The following IL20RA variants were observed in gnomAD, a reference collection of about 807,000 sequenced individuals.
The protein encoded by IL20RA is interleukin-20 receptor subunit alpha.
In IL20RA, 29 loss-of-function variants were observed where a neutral mutation model predicts 36.5. The ratio of observed to expected loss-of-function variants is 0.79; its 90% CI spans 0.59 to 1.08. The LOEUF (loss-of-function observed/expected upper bound fraction) is 1.08. Ranked by LOEUF, IL20RA falls within the 50% of genes least tolerant of loss-of-function variation. The probability of loss-of-function intolerance (pLI) is 0.00; values close to 1 mark genes in which losing one functional copy is unlikely to be tolerated. For synonymous variants in IL20RA, 279 were observed against 267.1 expected (o/e 1.04, Z -0.43); for missense variants, 652 against 668.4 (o/e 0.98, Z 0.27).
intron 1 of IL20RA, 123 bp downstream of exon 1, chr6:137,044,518 T>G: frequency 1.2e-5 from 13 of 1,046,212 alleles, no homozygotes; most frequent in Non-Finnish European, 1.6e-5. Flanking sequence ...CCTCGTCCTC[T>G]GCCCGCCCGA....
chr6:137,033,372 T>A (rs575516852), intron 1 of IL20RA, among the ~76,000 whole-genome samples: 3 of 152,178 alleles, frequency 2.0e-5, no homozygotes, highest in African/African-American at 7.2e-5. Context: ...TGCCCAAATC[T>A]CATGTTGAAG....
chr6:137,026,385 T>C (rs1458833908), intron 1 of IL20RA, among the ~76,000 whole-genome samples: 2 of 152,196 alleles, frequency 1.3e-5, no homozygotes, highest in African/African-American at 4.8e-5. Flanking sequence ...TGGAACAGCT[T>C]GAACTACCAA....
intron 1 of IL20RA, among the ~76,000 whole-genome samples, chr6:137,025,793 A>G (rs906935448): frequency 3.3e-5 from 5 of 152,354 alleles, no homozygotes; most frequent in Admixed American, 6.5e-5. Context: ...AGTATGTTAC[A>G]GTTTTAATTA....
At chr6:137,044,293 C>T in intron 1 of IL20RA, 5 of 1,010,670 alleles carry the variant, frequency 4.9e-6, no homozygotes, top group Non-Finnish European at 5.9e-6. Context: ...AGGGGCCCCG[C>T]ATGGTAACCG....
intron 5 of IL20RA, among the ~76,000 whole-genome samples, chr6:137,008,087 C>G (rs1183177914): frequency 1.3e-5 from 2 of 152,160 alleles, no homozygotes; most frequent in Non-Finnish European, 2.9e-5. Context: ...CCCACCTCAG[C>G]CTCCCGAGTA....
rs375961808 is a variant in IL20RA at position 137,015,323 on chromosome 6, TA to T, written c.224+1644del. ...TTTTCCTAAGCTCTGCACACTTCCTTAAAAAAAAGCATGTTCTCCCTGTTGT... is the reference window on the plus strand; with the variant it reads ...TTTTCCTAAGCTCTGCACACTTCCTTAAAAAAAGCATGTTCTCCCTGTTGT... On this transcript the variant is annotated intron_variant, in intron 2 of 6. Transcript: ENST00000316649. Among the ~76,000 whole-genome samples, 810 of 152,020 alleles carry T rather than the reference TA, an allele frequency of 5.3e-3. 6 individuals are homozygous for T. The highest frequency in any genetic ancestry group is 0.018 in the African/African-American group (755 of 41,504).
intron 2 of IL20RA, among the ~76,000 whole-genome samples, chr6:137,015,046 C>A (rs1400687173): frequency 6.6e-6 from 1 of 152,142 alleles, no homozygotes; most frequent in Non-Finnish European, 1.5e-5. Flanking sequence ...TTGAGTGTTG[C>A]CAGATTGAAA....
intron 2 of IL20RA, among the ~76,000 whole-genome samples, chr6:137,014,699 T>A (rs186433225): frequency 6.6e-6 from 1 of 152,012 alleles, no homozygotes; most frequent in Non-Finnish European, 1.5e-5. Context: ...ACACTTATAG[T>A]TCCCCCCCCC....
Position 137,044,844 on chromosome 6 carries a change from C to T in IL20RA, c.-116G>A. ...CGCGCCTGGGGCTCTGCGTGCCACG[C>T]TCCAGGCGACCTGAGTCCCAGGGCG... On this transcript the variant is annotated 5_prime_UTR_variant, in exon 1 of 7. Transcript: ENST00000316649. The T allele has an allele frequency of 1.0e-6, 1 of 1,001,324 alleles. No homozygotes were observed. Among genetic ancestry groups the T allele is most frequent in the Non-Finnish European group, 1.3e-6 (1 of 789,444 alleles). 62.0% of individuals were successfully genotyped at this position (1,001,324 alleles called of 1,614,324 possible). A position where few individuals can be genotyped will look rare whatever the true frequency, so the allele number is the denominator to read the frequency against.
intron 1 of IL20RA, among the ~76,000 whole-genome samples, chr6:137,020,409 GGTAATTTGTTACCTAATA>G: frequency 6.6e-6 from 1 of 151,196 alleles, no homozygotes; most frequent in African/African-American, 2.4e-5. Context: ...TTAAGTGTAA[GGTAATTTGTTACCTAATA>G]GTAGAGAATG....
At chr6:137,002,617 G>A (rs1375744759) in intron 6 of IL20RA, among the ~76,000 whole-genome samples, 1 of 152,208 alleles carries the variant, frequency 6.6e-6, no homozygotes, top group East Asian at 1.9e-4. Context: ...CTGGGGCGTT[G>A]GTGCCCCCTC....
chr6:137,013,000 A>T (rs946445341), intron 2 of IL20RA, among the ~76,000 whole-genome samples: 2 of 152,154 alleles, frequency 1.3e-5, no homozygotes, highest in Non-Finnish European at 2.9e-5. Context: ...ATCCACAGGG[A>T]AAAGAAAAAT....
At chr6:137,029,785 A>T (rs144854393) in intron 1 of IL20RA, among the ~76,000 whole-genome samples, 4 of 152,310 alleles carry the variant, frequency 2.6e-5, no homozygotes, top group African/African-American at 9.6e-5. Context: ...TATTTCTTAA[A>T]TATCAACACT....
chr6:137,040,182 G>A (rs1433229293), intron 1 of IL20RA, among the ~76,000 whole-genome samples: 1 of 152,178 alleles, frequency 6.6e-6, no homozygotes, highest in Non-Finnish European at 1.5e-5. Context: ...CAAAGAGGCT[G>A]TAAATGAAAG....
intron 1 of IL20RA, among the ~76,000 whole-genome samples, chr6:137,026,909 G>A (rs1406704433): frequency 6.6e-6 from 1 of 151,072 alleles, no homozygotes; most frequent in Non-Finnish European, 1.5e-5. Context: ...GAGATGGAGT[G>A]TCACTCTTGT....
At chr6:137,004,571 C>A in intron 6 of IL20RA, 50 bp downstream of exon 6, 1 of 1,551,566 alleles carries the variant, frequency 6.4e-7, no homozygotes, top group African/African-American at 1.4e-5. Flanking sequence ...CTTCTGTCCT[C>A]CTGGAGGTGT....
Position 137,044,118 on chromosome 6 carries a change from A to G in IL20RA, c.88+523T>C, listed in dbSNP as rs997137018. On this transcript the variant is annotated intron_variant, in intron 1 of 6. Coordinates refer to ENST00000316649, the MANE Select transcript of IL20RA (RefSeq NM_014432.4). ...TTAAGAAGCTGCGTCTTTCTGGATC[A>G]TGTTCCTTCGGGGCTGACCCTTTCG... is the stretch of plus-strand genomic sequence containing the variant. The G allele has an allele frequency of 7.1e-6, 7 of 985,490 alleles. No individual in the cohort carries two copies. The African/African-American group carries it at 1.2e-4, about 17-fold the overall frequency. The allele number at this position is 985,490 out of a possible 1,614,324, so 61.0% of individuals were successfully genotyped here.
At chr6:137,040,202 A>G (rs933691864) in intron 1 of IL20RA, among the ~76,000 whole-genome samples, 2 of 152,244 alleles carry the variant, frequency 1.3e-5, no homozygotes, top group Non-Finnish European at 2.9e-5. Context: ...GAGGAAGGCT[A>G]GAATGAAACT....
chr6:137,000,161 C>T lies in IL20RA; in HGVS notation c.*1397G>A, dbSNP rs138961911. On this transcript the variant is annotated 3_prime_UTR_variant, in exon 7 of 7. Coordinates refer to ENST00000316649, the MANE Select transcript of IL20RA (RefSeq NM_014432.4). ...CTAAATTAAACCATTAGATCTGAAACTGTTTGCATTTGCGGATAATCACGA... is the reference window on the plus strand; with the variant it reads ...CTAAATTAAACCATTAGATCTGAAATTGTTTGCATTTGCGGATAATCACGA... 1.3e-5 allele frequency: 2 copies of T among 152,292 alleles called. No homozygotes were observed. The highest frequency in any genetic ancestry group is 4.8e-5 in the African/African-American group (2 of 41,566). The allele number at this position is 152,292 out of a possible 1,614,324, so 9.4% of individuals were successfully genotyped here.
Sources: gnomAD v4.1 joint callset for allele counts (sites outside exome capture counted in the v4.1 genomes callset) on GRCh38, gnomAD v4.1.1 for gene constraint, MANE v1.5 for transcripts, NCBI Gene and HGNC (gene_info 2026-07-23, HGNC 2026-07-21) for gene names.